Variants in PIK3AP1 observed in about 807,000 individuals in gnomAD.
The protein encoded by PIK3AP1 is phosphoinositide 3-kinase adapter protein 1.
PIK3AP1 carries 21 observed loss-of-function variants against 88.1 expected under a neutral mutation model. The ratio of observed to expected loss-of-function variants is 0.24; its 90% CI spans 0.17 to 0.34. The LOEUF (loss-of-function observed/expected upper bound fraction) is 0.34, where lower values mean the gene tolerates loss of function less well. Among genes scored for constraint, PIK3AP1 ranks in the 10% least tolerant of loss-of-function variants. The pLI is 1.00. For synonymous variants in PIK3AP1, 398 were observed against 400.0 expected (o/e 1.00, Z 0.06); for missense variants, 828 against 1,035.7 (o/e 0.80, Z 2.75).
chr10:96,652,344 C>T (rs112672616), intron 4 of PIK3AP1, among the ~76,000 whole-genome samples: 2,287 of 152,150 alleles, frequency 0.015, 56 homozygotes, highest in African/African-American at 0.052. Flanking sequence ...GAGGCCGAGG[C>T]GGGTGGATCA....
intron 8 of PIK3AP1, among the ~76,000 whole-genome samples, chr10:96,629,930 A>AAAAAAAAAAAAAAAAAAAAAAAAAAG (rs776780994): frequency 2.2e-4 from 3 of 13,724 alleles, no homozygotes; most frequent in Non-Finnish European, 3.3e-4. Flanking sequence ...AAAAAAAAAA[A>AAAAAAAAAAAAAAAAAAAAAAAAAAG]AAGAAGAAGA....
intron 9 of PIK3AP1, 91 bp downstream of exon 9, chr10:96,628,307 G>A: frequency 8.8e-7 from 1 of 1,136,974 alleles, no homozygotes; most frequent in Non-Finnish European, 1.3e-6. Context: ...CCCATTCCTT[G>A]AGGGGAGCAA....
intron 16 of PIK3AP1, among the ~76,000 whole-genome samples, chr10:96,601,260 A>G (rs2861626): frequency 0.81 from 123,508 of 151,810 alleles, 50,743 homozygotes; most frequent in East Asian, 0.99. Flanking sequence ...GATTACCTGA[A>G]GTCAGGAGTT....
chr10:96,634,618 G>A (rs7069486), intron 8 of PIK3AP1, among the ~76,000 whole-genome samples: 8,299 of 152,124 alleles, frequency 0.055, 694 homozygotes, highest in African/African-American at 0.18. Context: ...ATGATCATTG[G>A]GGCCACAGGA....
chr10:96,626,901 G>A lies in PIK3AP1; in HGVS notation c.1476C>T (p.Asn492=), dbSNP rs1564960362. The A allele has an allele frequency of 9.3e-6, 15 of 1,613,358 alleles. No homozygotes were observed. Among genetic ancestry groups the A allele is most frequent in the Non-Finnish European group, 1.2e-5 (14 of 1,179,368 alleles). ...TCTCCAGATTGGTCATTCCCATGCTGTTGCCTAGAAACGCAGAGAAAGGTG... is the reference window on the plus strand; with the variant it reads ...TCTCCAGATTGGTCATTCCCATGCTATTGCCTAGAAACGCAGAGAAAGGTG... ...DSMIRKFLEG[N]SMGMTNLERD... Residue 492 remains asparagine (N), a synonymous_variant, in exon 10 of 17, where the codon AAC becomes AAT. Coordinates refer to ENST00000339364, the MANE Select transcript of PIK3AP1 (RefSeq NM_152309.3).
chr10:96,710,052 A>G, intron 1 of PIK3AP1, 69 bp from the exon 2 acceptor site: 2 of 1,467,492 alleles, frequency 1.4e-6, no homozygotes, highest in South Asian at 2.6e-5. Context: ...CACAGCCTGC[A>G]AAGGTAGAGC....
chr10:96,718,395 G>A (rs192363659), intron 1 of PIK3AP1, among the ~76,000 whole-genome samples: 3 of 152,178 alleles, frequency 2.0e-5, no homozygotes, highest in Non-Finnish European at 1.5e-5. Context: ...CTTGGCGAGC[G>A]GCATTGCTCT....
chr10:96,616,304 A>G (rs563692458), intron 13 of PIK3AP1, among the ~76,000 whole-genome samples: 17 of 152,348 alleles, frequency 1.1e-4, no homozygotes, highest in Admixed American at 3.9e-4. Flanking sequence ...CTTAAAAAAC[A>G]TAAGTCCTCC....
intron 13 of PIK3AP1, among the ~76,000 whole-genome samples, chr10:96,613,544 A>C (rs1028290626): frequency 6.6e-6 from 1 of 152,170 alleles, no homozygotes; most frequent in African/African-American, 2.4e-5. Flanking sequence ...CCCTCTCCCG[A>C]AAATATCCTT....
chr10:96,610,422 G>C (rs1849086808), intron 13 of PIK3AP1, among the ~76,000 whole-genome samples: 1 of 152,164 alleles, frequency 6.6e-6, no homozygotes, highest in Non-Finnish European at 1.5e-5. Flanking sequence ...GATGTAGCAT[G>C]TCCTGTCGAA....
rs1843553940 is a variant in PIK3AP1, at chr10:96,652,554, C to T, written c.712+144G>A. The T allele has an allele frequency of 1.6e-5, 16 of 990,354 alleles. No homozygotes were observed. In the South Asian group the frequency reaches 1.8e-4, roughly 11 times the overall value. The allele number at this position is 990,354 out of a possible 1,614,324, so 61.3% of individuals were successfully genotyped here. A position where few individuals can be genotyped will look rare whatever the true frequency, so the allele number is the denominator to read the frequency against. On this transcript the variant is annotated intron_variant, in intron 4 of 16. Transcript: ENST00000339364. ...TGCCACTGCACTCCAGCCTGGGAGA[C>T]AGAGCGAGACTCTGTCTCAAAAAAA...
intron 2 of PIK3AP1, among the ~76,000 whole-genome samples, chr10:96,665,520 T>C (rs753532059): frequency 6.6e-6 from 1 of 152,246 alleles, no homozygotes; most frequent in Non-Finnish European, 1.5e-5. Context: ...AGTCAGTATA[T>C]GAGTCACTGT....
chr10:96,714,465 C>T (rs1331111857), intron 1 of PIK3AP1, among the ~76,000 whole-genome samples: 1 of 152,136 alleles, frequency 6.6e-6, no homozygotes, highest in African/African-American at 2.4e-5. Context: ...CTAAGTTGCA[C>T]CCAATTTAAA....
chr10:96,609,506 A>T (rs1849065214), intron 14 of PIK3AP1, among the ~76,000 whole-genome samples: 1 of 152,240 alleles, frequency 6.6e-6, no homozygotes. Flanking sequence ...GGCCAGAGTA[A>T]TAATTATCAC....
At chr10:96,651,056 A>G (rs1453180118) in intron 6 of PIK3AP1, among the ~76,000 whole-genome samples, 192 bp downstream of exon 6, 1 of 152,258 alleles carries the variant, frequency 6.6e-6, no homozygotes, top group Non-Finnish European at 1.5e-5. Flanking sequence ...AGAAGGGGGT[A>G]AAGTATTCAG....
chr10:96,703,490 A>C (rs769794443), intron 2 of PIK3AP1, among the ~76,000 whole-genome samples: 2 of 152,222 alleles, frequency 1.3e-5, no homozygotes, highest in Non-Finnish European at 2.9e-5. Flanking sequence ...ACAAATGCAC[A>C]TCACACGAAT....
At chr10:96,705,579 CTT>C (rs57429192) in intron 2 of PIK3AP1, among the ~76,000 whole-genome samples, 1,386 of 133,806 alleles carry the variant, frequency 0.01, 21 homozygotes, top group African/African-American at 0.034. Flanking sequence ...CATTGCATTT[CTT>C]TTTTTTTTTT....
At chr10:96,670,963 A>G (rs934807388) in intron 2 of PIK3AP1, among the ~76,000 whole-genome samples, 1 of 152,212 alleles carries the variant, frequency 6.6e-6, no homozygotes, top group African/African-American at 2.4e-5. Context: ...TGCTTTCAAG[A>G]ACAAATAAGT....
chr10:96,602,133 T>C (rs749250166), intron 16 of PIK3AP1, 147 bp downstream of exon 16: 1 of 605,314 alleles, frequency 1.7e-6, no homozygotes, highest in Non-Finnish European at 2.8e-6. Flanking sequence ...TCCGCCCGCC[T>C]TGGCCTCCCA....
Sources: gnomAD v4.1 joint callset for allele counts (sites outside exome capture counted in the v4.1 genomes callset) on GRCh38, gnomAD v4.1.1 for gene constraint, MANE v1.5 for transcripts, NCBI Gene and HGNC (gene_info 2026-07-23, HGNC 2026-07-21) for gene names.